The following RASGRP3 variants were observed in gnomAD, a reference collection of about 807,000 sequenced individuals.
RASGRP3 encodes the protein RAS guanyl releasing protein 3, also known as ras guanyl-releasing protein 3.
Under a neutral mutation model 82.7 loss-of-function variants are expected in RASGRP3, and 54 were observed. The ratio of observed to expected loss-of-function variants is 0.65; its 90% CI spans 0.52 to 0.82. The LOEUF (loss-of-function observed/expected upper bound fraction) is 0.82, where lower values mean the gene tolerates loss of function less well. Among genes scored for constraint, RASGRP3 ranks in the 40% least tolerant of loss-of-function variants. RASGRP3 has a pLI of 0.00. For missense variants in RASGRP3, 861 were observed against 828.9 expected (o/e 1.04, Z -0.48); for synonymous variants, 309 against 300.5 (o/e 1.03, Z -0.29).
At position 33,450,818 on chromosome 2, in the gene RASGRP3, C is replaced by CTTTTTTTTTT. The variant is rs879744839; in HGVS notation, c.-261+2878_-261+2879insTTTTTTTTTT. Among the ~76,000 whole-genome samples the CTTTTTTTTTT allele has an allele frequency of 8.5e-3, 367 of 43,328 alleles. 58 individuals carry two copies. Among genetic ancestry groups the CTTTTTTTTTT allele is most frequent in the Non-Finnish European group, 0.012 (269 of 21,582 alleles). 28.4% of individuals were successfully genotyped at this position (43,328 alleles called of 152,430 possible). A position where few individuals can be genotyped will look rare whatever the true frequency, so the allele number is the denominator to read the frequency against. Reference sequence around the variant, plus strand: ...CTTTTCTTTCTTTTTCTCTTTCTTTCTTTCTTTTTTTTTTTTTTTTTTTTT... The same window carrying CTTTTTTTTTT: ...CTTTTCTTTCTTTTTCTCTTTCTTTCTTTTTTTTTTTTTCTTTTTTTTTTTTTTTTTTTTT... On this transcript the variant is annotated intron_variant, in intron 2 of 18. Transcript: ENST00000402538.
chr2:33,453,696 G>A (rs948333305), intron 2 of RASGRP3, among the ~76,000 whole-genome samples: 9 of 152,200 alleles, frequency 5.9e-5, no homozygotes, highest in African/African-American at 1.9e-4. Flanking sequence ...GATTCAGCAT[G>A]AGCAAGGACT....
At chr2:33,468,012 CTTTCTTTCTTTCTT>C (rs1490082589) in intron 2 of RASGRP3, among the ~76,000 whole-genome samples, 7 of 130,892 alleles carry the variant, frequency 5.3e-5, no homozygotes, top group Non-Finnish European at 9.0e-5. Context: ...TTCTTTCTTT[CTTTCTTTCTTTCTT>C]TCTTTCTTTC....
chr2:33,495,416 A>G (rs752021145), intron 1 of RASGRP3, among the ~76,000 whole-genome samples: 7 of 152,174 alleles, frequency 4.6e-5, no homozygotes, highest in Non-Finnish European at 8.8e-5. Flanking sequence ...CTAACGCCGC[A>G]GCTCATCTGA....
intron 1 of RASGRP3, among the ~76,000 whole-genome samples, chr2:33,507,280 A>C (rs1453888350): frequency 2.6e-5 from 4 of 152,132 alleles, no homozygotes; most frequent in Non-Finnish European, 5.9e-5. Context: ...CTGTAATCCC[A>C]GGTACTCGGA....
chr2:33,537,681 A>G (rs1311992313), intron 11 of RASGRP3, among the ~76,000 whole-genome samples: 1 of 152,172 alleles, frequency 6.6e-6, no homozygotes, highest in Admixed American at 6.5e-5. Flanking sequence ...TAAATTAAAA[A>G]GAAAAGATAG....
chr2:33,551,647 G>A (rs1675368383), intron 14 of RASGRP3, among the ~76,000 whole-genome samples: 1 of 151,844 alleles, frequency 6.6e-6, no homozygotes. Context: ...CTCCAGCCTG[G>A]GCAATATAAA....
intron 1 of RASGRP3, among the ~76,000 whole-genome samples, chr2:33,477,137 G>A (rs1026243891): frequency 2.0e-5 from 3 of 152,160 alleles, no homozygotes; most frequent in African/African-American, 7.2e-5. Flanking sequence ...ACCTGAAAAC[G>A]TAGTTGTTTA....
chr2:33,490,892 G>A (rs1246254040), intron 1 of RASGRP3, among the ~76,000 whole-genome samples: 2 of 152,230 alleles, frequency 1.3e-5, no homozygotes, highest in African/African-American at 4.8e-5. Context: ...ATGTCTGGAA[G>A]GTAGAGACGT....
rs1410096651 is a variant in RASGRP3, at chr2:33,543,537, A to T, written c.1304A>T (p.Asp435Val). The change falls in exon 13 of 18, where the codon GAC (aspartate) becomes GTC (valine). Residue 435 changes from aspartate (D) to valine (V), a missense_variant. Physicochemically the swap from Asp to Val is radical, Grantham distance 152. Transcript: ENST00000403687. Reference sequence around the variant, plus strand: ...TCTGTATTTAGAAACTATGATCACGACCATGATGGGTACATTTCCCAAGAG... The same window carrying T: ...TCTGTATTTAGAAACTATGATCACGTCCATGATGGGTACATTTCCCAAGAG... ...VESVFRNYDH[D>V]HDGYISQEDF... is the part of the protein sequence containing the mutation. 1 of 1,608,950 alleles carries T rather than the reference A, an allele frequency of 6.2e-7. No individual in the cohort carries two copies. Among genetic ancestry groups the T allele is most frequent in the Non-Finnish European group, 8.5e-7 (1 of 1,175,886 alleles).
intron 13 of RASGRP3, among the ~76,000 whole-genome samples, chr2:33,547,462 T>C (rs531029886): frequency 7.0e-6 from 1 of 143,748 alleles, no homozygotes; most frequent in South Asian, 2.2e-4. Flanking sequence ...TCTTAAGTTC[T>C]CAAGCCTGGG....
At chr2:33,556,517 G>T (rs1234347043) in intron 15 of RASGRP3, among the ~76,000 whole-genome samples, 2 of 88,492 alleles carry the variant, frequency 2.3e-5, no homozygotes, top group South Asian at 3.4e-4. Flanking sequence ...AAAGTGCTGG[G>T]ATTACAGGCG....
chr2:33,467,080 T>TA (rs58548318), intron 2 of RASGRP3, among the ~76,000 whole-genome samples: 214 of 148,404 alleles, frequency 1.4e-3, no homozygotes, highest in African/African-American at 4.8e-3. Context: ...ATATATATAT[T>TA]AATAAATTCT....
chr2:33,518,611 C>T (rs922115865), intron 4 of RASGRP3, among the ~76,000 whole-genome samples: 7 of 152,158 alleles, frequency 4.6e-5, no homozygotes, highest in Non-Finnish European at 7.4e-5. Flanking sequence ...ACTTTTTAGT[C>T]CTTTTGTAAT....
Position 33,563,908 on chromosome 2 carries a change from C to A in RASGRP3, c.*1171C>A, listed in dbSNP as rs1558537965. Reference sequence around the variant, plus strand: ...TCTTCCATGATTAGAGGAGAGAGAACTTGATTCAAGATACTGAAAAATAGA... The same window carrying A: ...TCTTCCATGATTAGAGGAGAGAGAAATTGATTCAAGATACTGAAAAATAGA... On this transcript the variant is annotated 3_prime_UTR_variant, in exon 18 of 18. Transcript: ENST00000403687. 1.3e-5 allele frequency: 2 copies of A among 152,078 alleles called. No individual in the cohort carries two copies. Among genetic ancestry groups the A allele is most frequent in the African/African-American group, 4.8e-5 (2 of 41,418 alleles). The allele number at this position is 152,078 out of a possible 1,614,324, so 9.4% of individuals were successfully genotyped here. A position where few individuals can be genotyped will look rare whatever the true frequency, so the allele number is the denominator to read the frequency against.
chr2:33,483,560 C>T (rs1269203994), intron 1 of RASGRP3, among the ~76,000 whole-genome samples: 1 of 142,002 alleles, frequency 7.0e-6, no homozygotes, highest in Non-Finnish European at 1.5e-5. Context: ...ACAATCTTAG[C>T]TCACTGCCAC....
rs983906928 is a variant in RASGRP3 at position 33,543,188 on chromosome 2, G to GT, written c.1279-317dup. Among the ~76,000 whole-genome samples, 121 of 152,042 alleles carry GT rather than the reference G, an allele frequency of 8.0e-4. 1 individual carries two copies. Among genetic ancestry groups the GT allele is most frequent in the East Asian group, 3.7e-3 (19 of 5,174 alleles). On this transcript the variant is annotated intron_variant, in intron 12 of 17. Transcript: ENST00000403687. ...CCACCGTGCCCAGCTAATTAAAAAT[G>GT]TTTTTTTGTAGCAATGAGGTCTCTC... is the stretch of plus-strand genomic sequence containing the variant.
intron 14 of RASGRP3, among the ~76,000 whole-genome samples, chr2:33,552,800 A>C (rs1336500336): frequency 6.6e-6 from 1 of 152,234 alleles, no homozygotes; most frequent in African/African-American, 2.4e-5. Flanking sequence ...GACTTCCCCC[A>C]AGGTCACACA....
At chr2:33,452,791 T>C (rs1665867857) in intron 2 of RASGRP3, among the ~76,000 whole-genome samples, 1 of 152,140 alleles carries the variant, frequency 6.6e-6, no homozygotes, top group Non-Finnish European at 1.5e-5. Context: ...GCTGTTGTAT[T>C]GGTGTGGTGC....
At chr2:33,459,107 T>G (rs1666206768) in intron 2 of RASGRP3, among the ~76,000 whole-genome samples, 2 of 152,172 alleles carry the variant, frequency 1.3e-5, no homozygotes, top group South Asian at 4.1e-4. Flanking sequence ...ATTACAATCT[T>G]GATCCTCAAA....
Sources: allele counts gnomAD v4.1 joint callset (sites outside exome capture counted in the v4.1 genomes callset), GRCh38; gene constraint gnomAD v4.1.1; transcripts MANE v1.5; gene names NCBI Gene and HGNC (gene_info 2026-07-23, HGNC 2026-07-21).